The following DERA variants were observed in gnomAD, a reference collection of about 807,000 sequenced individuals.
The protein encoded by DERA is 2-deoxy-D-ribose 5-phosphate aldolase.
In DERA, 15 loss-of-function variants were observed where a neutral mutation model predicts 41.1. That is an observed-to-expected ratio of 0.37 (90% CI 0.24 to 0.56). The LOEUF is 0.56. DERA is among the 20% of genes least tolerant of loss of function. The pLI is 0.81. For missense variants in DERA, 396 were observed against 403.4 expected (o/e 0.98, Z 0.16); for synonymous variants, 139 against 137.4 (o/e 1.01, Z -0.08).
chr12:16,027,823 A>G (rs1467142668), intron 6 of DERA, among the ~76,000 whole-genome samples: 1 of 152,186 alleles, frequency 6.6e-6, no homozygotes, highest in African/African-American at 2.4e-5. Flanking sequence ...TGATCGTAGA[A>G]AATCCCCCCA....
At position 16,001,417 on chromosome 12, in the gene DERA, G is replaced by A. The variant is rs113469920; in HGVS notation, c.637+18981G>A. 7.0e-3 allele frequency among the ~76,000 whole-genome samples: 1,065 copies of A among 152,282 alleles called. 17 individuals are homozygous for A. Among genetic ancestry groups the A allele is most frequent in the African/African-American group, 0.024 (1,015 of 41,560 alleles). ...GTTCCTTCAGGGCTAGAGTGGAAAAGTTCAGTGTTTTATTCGAGACAATTG... is the reference window on the plus strand; with the variant it reads ...GTTCCTTCAGGGCTAGAGTGGAAAAATTCAGTGTTTTATTCGAGACAATTG... On this transcript the variant is annotated intron_variant, in intron 6 of 8. Coordinates refer to ENST00000428559, the MANE Select transcript of DERA (RefSeq NM_015954.4). The surrounding 1 kb of genome is among the most constrained non-coding windows in gnomAD (Gnocchi z 4.1).
chr12:15,964,776 A>C (rs1427204573), intron 5 of DERA, among the ~76,000 whole-genome samples: 1 of 152,252 alleles, frequency 6.6e-6, no homozygotes, highest in Non-Finnish European at 1.5e-5. Context: ...TTGTGGATAT[A>C]GAAATATGGT....
chr12:15,995,159 T>C lies in DERA; in HGVS notation c.637+12723T>C, dbSNP rs1948828847. 6.6e-6 allele frequency among the ~76,000 whole-genome samples: 1 copy of C among 152,238 alleles called. No homozygotes were observed. Among genetic ancestry groups the C allele is most frequent in the African/African-American group, 2.4e-5 (1 of 41,462 alleles). ...TTTAACTTTTGGAGGCACAGATGTT[T>C]CTAGAGGCCCTGAATGAGATTGTAT... is the stretch of plus-strand genomic sequence containing the variant. On this transcript the variant is annotated intron_variant, in intron 6 of 8. Coordinates refer to ENST00000428559, the MANE Select transcript of DERA (RefSeq NM_015954.4). The surrounding 1 kb of genome is among the most constrained non-coding windows in gnomAD (Gnocchi z 5.1).
intron 6 of DERA, among the ~76,000 whole-genome samples, chr12:16,025,513 A>T (rs574543323): frequency 6.6e-6 from 1 of 152,108 alleles, no homozygotes. Context: ...TAACAATCCT[A>T]TGTATGTATG....
rs1948568255 is a variant in DERA, at chr12:15,959,692, A to G, written c.278-137A>G. On this transcript the variant is annotated intron_variant, in intron 3 of 8. Coordinates refer to ENST00000428559, the MANE Select transcript of DERA (RefSeq NM_015954.4). The surrounding 1 kb of genome is among the most constrained non-coding windows in gnomAD (Gnocchi z 4.5). The stretch of plus-strand genomic sequence containing the variant: ...GAATGTGGAAAATAAAAATCTTTTA[A>G]TTTATTGCAGTATTGTGGGGGAATT... The G allele has an allele frequency of 3.7e-6, 2 of 534,620 alleles. No homozygotes were observed. Among genetic ancestry groups the G allele is most frequent in the African/African-American group, 1.9e-5 (1 of 53,200 alleles). The allele number at this position is 534,620 out of a possible 1,614,324, so 33.1% of individuals were successfully genotyped here.
chr12:16,029,876 C>A (rs919469600), intron 6 of DERA, among the ~76,000 whole-genome samples: 5 of 141,832 alleles, frequency 3.5e-5, no homozygotes, highest in African/African-American at 1.0e-4. Context: ...TTTAAGAGAT[C>A]ATGCCTTGTT....
At chr12:15,939,832 A>G (rs1948396553) in intron 1 of DERA, among the ~76,000 whole-genome samples, 1 of 152,178 alleles carries the variant, frequency 6.6e-6, no homozygotes, top group South Asian at 2.1e-4. Flanking sequence ...AGAAAGATTT[A>G]TGTTTAATTT....
At chr12:15,997,816 T>A (rs1452834597) in intron 6 of DERA, among the ~76,000 whole-genome samples, 1 of 152,254 alleles carries the variant, frequency 6.6e-6, no homozygotes, top group African/African-American at 2.4e-5. Context: ...AAAAGGTGTT[T>A]ACAAATTCAT....
At chr12:15,986,860 G>A (rs1948767403) in intron 6 of DERA, among the ~76,000 whole-genome samples, 1 of 152,110 alleles carries the variant, frequency 6.6e-6, no homozygotes, top group Non-Finnish European at 1.5e-5. Flanking sequence ...TTGCAGTACA[G>A]GTCTGCTGAT....
At chr12:15,979,416 A>C (rs1948718741) in intron 5 of DERA, among the ~76,000 whole-genome samples, 1 of 152,192 alleles carries the variant, frequency 6.6e-6, no homozygotes, top group South Asian at 2.1e-4. Flanking sequence ...GAAAATATCT[A>C]ACTATTCTTT....
At chr12:15,933,529 C>T (rs1474540291) in intron 1 of DERA, among the ~76,000 whole-genome samples, 1 of 152,164 alleles carries the variant, frequency 6.6e-6, no homozygotes, top group Non-Finnish European at 1.5e-5. Context: ...CTATCTTATA[C>T]ACCAATCTGA....
intron 5 of DERA, among the ~76,000 whole-genome samples, chr12:15,964,828 A>T (rs1251263796): frequency 6.6e-6 from 1 of 152,210 alleles, no homozygotes; most frequent in Non-Finnish European, 1.5e-5. Flanking sequence ...ACAATAGGAG[A>T]TGGGTTTTGA....
chr12:16,006,504 A>G (rs1592046871), intron 6 of DERA, among the ~76,000 whole-genome samples: 1 of 152,214 alleles, frequency 6.6e-6, no homozygotes, highest in Admixed American at 6.5e-5. Context: ...CTGAAACTCA[A>G]CTACCCTCTC....
intron 1 of DERA, among the ~76,000 whole-genome samples, chr12:15,945,172 C>T (rs1395991052): frequency 1.3e-5 from 2 of 152,156 alleles, no homozygotes; most frequent in African/African-American, 4.8e-5. Flanking sequence ...GTGATACCTC[C>T]AGCTTTGTTC....
At chr12:15,987,206 C>T (rs1434544864) in intron 6 of DERA, among the ~76,000 whole-genome samples, 9 of 141,896 alleles carry the variant, frequency 6.3e-5, no homozygotes, top group African/African-American at 1.3e-4. Flanking sequence ...CAGTTTAGGA[C>T]GTTTTCAAAA....
intron 1 of DERA, among the ~76,000 whole-genome samples, chr12:15,950,826 A>G (rs1252581002): frequency 6.6e-6 from 1 of 152,238 alleles, no homozygotes. Flanking sequence ...TTATTAGGAA[A>G]GGCCTATGAG....
intron 7 of DERA, among the ~76,000 whole-genome samples, chr12:16,033,728 G>A (rs1196596874): frequency 2.0e-5 from 3 of 151,732 alleles, no homozygotes; most frequent in Admixed American, 1.3e-4. Flanking sequence ...TCCATTGGAT[G>A]TGATGACTTT....
chr12:15,937,637 A>C (rs1395631270), intron 1 of DERA, among the ~76,000 whole-genome samples: 1 of 152,178 alleles, frequency 6.6e-6, no homozygotes, highest in Non-Finnish European at 1.5e-5. Context: ...TTTGATTCTT[A>C]TGTTGTTAAA....
chr12:16,018,470 A>G (rs1038936879), intron 6 of DERA, among the ~76,000 whole-genome samples: 2 of 152,196 alleles, frequency 1.3e-5, no homozygotes, highest in Non-Finnish European at 2.9e-5. Context: ...TGTTCTATTT[A>G]GTAATGAGTT....
Sources: gnomAD v4.1 joint callset for allele counts (sites outside exome capture counted in the v4.1 genomes callset) on GRCh38, gnomAD v4.1.1 for gene constraint, Gnocchi (gnomAD v3.1) non-coding constraint, MANE v1.5 for transcripts, NCBI Gene and HGNC (gene_info 2026-07-23, HGNC 2026-07-21) for gene names.